Variants in ABL1 observed in about 807,000 individuals in gnomAD.
ABL1 encodes tyrosine-protein kinase ABL1.
ABL1 carries 11 observed loss-of-function variants against 94.7 expected under a neutral mutation model. The ratio of observed to expected loss-of-function variants is 0.12; its 90% CI spans 0.07 to 0.19. The LOEUF is 0.19. Among genes scored for constraint, ABL1 ranks in the 10% least tolerant of loss-of-function variants. ABL1 has a pLI of 1.00. For synonymous variants in ABL1, 656 were observed against 622.4 expected, an observed-to-expected ratio of 1.05 and a Z score of -0.80; for missense variants, 1,082 against 1,489.4, an observed-to-expected ratio of 0.73 and a Z score of 4.50.
In ABL1 at chr9:130,863,012, A is replaced by G. The variant is rs1286639734; in HGVS notation, c.799A>G (p.Thr267Ala). ...YEGVWKKYSL[T>A]VAVKTLKEDT... ...GGGCGTGTGGAAGAAATACAGCCTG[A>G]CGGTGGCCGTGAAGACCTTGAAGGT... Residue 267 changes from threonine to alanine, a missense_variant, in exon 4 of 11, where the codon ACG (threonine) becomes GCG (alanine). Transcript: ENST00000318560. The surrounding 1 kb of genome is among the most constrained non-coding windows in gnomAD (Gnocchi z 4.3). 6.2e-7 allele frequency: 1 copy of G among 1,608,842 alleles called. No individual in the cohort carries two copies. The highest frequency in any genetic ancestry group is 8.5e-7 in the Non-Finnish European group (1 of 1,176,152).
intron 3 of ABL1, among the ~76,000 whole-genome samples, chr9:130,857,624 C>T (rs561017839): frequency 1.3e-5 from 2 of 149,628 alleles, no homozygotes; most frequent in African/African-American, 5.1e-5. Flanking sequence ...TCCCCACTTA[C>T]CTTTTTAACT....
In ABL1 at chr9:130,868,084, C is replaced by T. The variant is rs969031903; in HGVS notation, c.823-4045C>T. Among the ~76,000 whole-genome samples the T allele has an allele frequency of 3.3e-5, 5 of 152,100 alleles. No individual in the cohort carries two copies. In the East Asian group the frequency reaches 9.7e-4, roughly 29 times the overall value. On this transcript the variant is annotated intron_variant, in intron 4 of 10. Transcript: ENST00000318560. ...AAGCAATTCTCCTGCCTCAGCCTCC[C>T]GAGTAGCTGGGACTACAGGTGCCTG...
chr9:130,795,204 T>A (rs1173527374), intron 1 of ABL1, among the ~76,000 whole-genome samples: 3 of 152,214 alleles, frequency 2.0e-5, no homozygotes, highest in African/African-American at 7.2e-5. Flanking sequence ...AGTTTGCCAC[T>A]GAGTATTTCC....
chr9:130,849,729 G>A (rs1425003102), intron 1 of ABL1, among the ~76,000 whole-genome samples: 7 of 152,164 alleles, frequency 4.6e-5, no homozygotes, highest in Non-Finnish European at 1.0e-4. Flanking sequence ...TATTGGCCAG[G>A]TTAGTCTCAA....
chr9:130,741,125 G>A (rs1019690421), intron 1 of ABL1, among the ~76,000 whole-genome samples: 3 of 152,150 alleles, frequency 2.0e-5, no homozygotes, highest in Non-Finnish European at 4.4e-5. Flanking sequence ...TAGTCAAAGG[G>A]CTAGAAGGGT....
intron 1 of ABL1, among the ~76,000 whole-genome samples, chr9:130,750,812 A>G (rs1831955605): frequency 6.6e-6 from 1 of 150,874 alleles, no homozygotes; most frequent in Admixed American, 6.6e-5. Context: ...ATGCCTGGCT[A>G]ATTTTTATAT....
intron 3 of ABL1, among the ~76,000 whole-genome samples, chr9:130,859,458 G>A (rs1186562716): frequency 2.0e-5 from 3 of 151,936 alleles, no homozygotes; most frequent in African/African-American, 4.8e-5. Context: ...CTGCTCTGGT[G>A]GAGGGGCTTT....
At chr9:130,816,996 G>A (rs922247425) in intron 1 of ABL1, among the ~76,000 whole-genome samples, 1 of 152,126 alleles carries the variant, frequency 6.6e-6, no homozygotes, top group Non-Finnish European at 1.5e-5. Flanking sequence ...GTGAGCCACC[G>A]CCTGGTCTCC....
chr9:130,810,745 T>C (rs886806109), intron 1 of ABL1, among the ~76,000 whole-genome samples: 5 of 149,276 alleles, frequency 3.3e-5, no homozygotes, highest in Non-Finnish European at 7.4e-5. Flanking sequence ...CCAAAAAATA[T>C]ATATAGAGAG....
chr9:130,777,133 A>G (rs1490502686), intron 1 of ABL1, among the ~76,000 whole-genome samples: 1 of 152,146 alleles, frequency 6.6e-6, no homozygotes, highest in East Asian at 1.9e-4. Context: ...GGTTTTTTGT[A>G]GTTTGGATTA....
intron 1 of ABL1, among the ~76,000 whole-genome samples, chr9:130,791,914 T>C (rs1324818664): frequency 6.6e-6 from 1 of 152,108 alleles, no homozygotes; most frequent in East Asian, 1.9e-4. Flanking sequence ...ATTAGTTCTG[T>C]CCCTTTGGAG....
At chr9:130,737,410 C>T (rs529922525) in intron 1 of ABL1, among the ~76,000 whole-genome samples, 4 of 151,568 alleles carry the variant, frequency 2.6e-5, no homozygotes, top group Non-Finnish European at 4.4e-5. Context: ...TGGGACTACA[C>T]GTGTGCACTA....
At chr9:130,795,642 A>G (rs144289292) in intron 1 of ABL1, among the ~76,000 whole-genome samples, 61 of 152,306 alleles carry the variant, frequency 4.0e-4, no homozygotes, top group African/African-American at 1.4e-3. Context: ...AAACAGATAA[A>G]AGAGAGAATG....
In ABL1 at chr9:130,880,647, A is replaced by C; in HGVS notation, c.1661A>C (p.Lys554Thr). ...TTDVPEMPHSKGQGESDPLDH... is the reference protein window; with the variant it reads ...TTDVPEMPHSTGQGESDPLDH... ...GACGTGCCTGAGATGCCTCACTCCA[A>C]GGGCCAGGGAGAGAGCGGTAAGTCC... The change falls in exon 10 of 11, where the codon AAG (lysine) becomes ACG (threonine). Residue 554 changes from lysine (K) to threonine (T), a missense_variant. By Grantham distance (78) the Lys-to-Thr change is moderately conservative. Around this residue, in one of 7 missense-constraint regions of ABL1, gnomAD observed 780 missense variants for 835.8 expected, o/e 0.93. Transcript: ENST00000318560. This position sits in a 1 kb window ranked among gnomAD's most constrained non-coding sequence, Gnocchi z 4.4. The C allele has an allele frequency of 6.2e-7, 1 of 1,613,410 alleles. No homozygotes were observed. The highest frequency in any genetic ancestry group is 8.5e-7 in the Non-Finnish European group (1 of 1,179,794).
intron 1 of ABL1, among the ~76,000 whole-genome samples, chr9:130,743,529 C>G (rs867419427): frequency 3.3e-5 from 5 of 152,132 alleles, no homozygotes; most frequent in Admixed American, 2.0e-4. Flanking sequence ...TAGCCCTGCC[C>G]AGGAAAATAG....
rs896113305 is a variant in ABL1 at position 130,863,672 on chromosome 9, G to GT, written c.822+644dup. Among the ~76,000 whole-genome samples the GT allele has an allele frequency of 3.9e-5, 6 of 152,162 alleles. No homozygotes were observed. The highest frequency in any genetic ancestry group is 3.3e-4 in the Admixed American group (5 of 15,276). On this transcript the variant is annotated intron_variant, in intron 4 of 10. Coordinates refer to ENST00000318560, the MANE Select transcript of ABL1 (RefSeq NM_005157.6). The surrounding 1 kb of genome is among the most constrained non-coding windows in gnomAD (Gnocchi z 4.3). Reference sequence around the variant, plus strand: ...AATAGTGTTTGTAGTTTCCAGGCAGGTTTTTTTCTTCTTTTGAAGTTCTTT... The same window carrying GT: ...AATAGTGTTTGTAGTTTCCAGGCAGGTTTTTTTTCTTCTTTTGAAGTTCTTT...
At chr9:130,730,407 T>G (rs1363455081) in intron 1 of ABL1, among the ~76,000 whole-genome samples, 1 of 152,156 alleles carries the variant, frequency 6.6e-6, no homozygotes, top group Non-Finnish European at 1.5e-5. Context: ...AGCCTTAATT[T>G]GCTCTTCTTT....
chr9:130,788,831 T>TG lies in ABL1; in HGVS notation c.137-65232dup, dbSNP rs569094348. On this transcript the variant is annotated intron_variant, in intron 1 of 10. Coordinates refer to the ABL1 transcript ENST00000372348. ...CTGTTTTAGAATATTACAGAAGTAA[T>TG]GCTGTATCTTTCTCATGGTGTTACA... Among the ~76,000 whole-genome samples the TG allele has an allele frequency of 1.8e-3, 273 of 152,352 alleles. 2 individuals carry two copies. The highest frequency in any genetic ancestry group is 6.2e-3 in the African/African-American group (256 of 41,574).
At chr9:130,841,233 C>T (rs1054222668) in intron 1 of ABL1, among the ~76,000 whole-genome samples, 4 of 151,724 alleles carry the variant, frequency 2.6e-5, no homozygotes, top group Admixed American at 6.6e-5. Context: ...CTGCAAGCTC[C>T]GCCTCCTGGG....
Sources: gnomAD v4.1 joint callset for allele counts (sites outside exome capture counted in the v4.1 genomes callset) on GRCh38, gnomAD v4.1.1 for gene constraint, gnomAD v4.1.1 regional missense constraint, Gnocchi (gnomAD v3.1) non-coding constraint, MANE v1.5 for transcripts, NCBI Gene and HGNC (gene_info 2026-07-23, HGNC 2026-07-21) for gene names.